ASB9: variants seen among roughly 807,000 people sequenced by gnomAD.
ASB9 encodes the protein ankyrin repeat and SOCS box containing 9.
A neutral mutation model predicts 16.6 loss-of-function variants in ASB9; 5 were observed. That is an observed-to-expected ratio of 0.30 (90% CI 0.16 to 0.63). The LOEUF (loss-of-function observed/expected upper bound fraction) is 0.63, where lower values mean the gene tolerates loss of function less well. Ranked by LOEUF, ASB9 falls within the 30% of genes least tolerant of loss-of-function variation. ASB9 has a pLI of 0.82. For missense variants in ASB9, 216 were observed against 229.4 expected, an observed-to-expected ratio of 0.94 and a Z score of 0.38; for synonymous variants, 100 against 86.4, an observed-to-expected ratio of 1.16 and a Z score of -0.87.
At chrX:15,248,703 G>T in intron 6 of ASB9, 41 bp downstream of exon 6, 1 of 1,168,897 alleles carries the variant, frequency 8.6e-7, no homozygotes, top group Non-Finnish European at 1.1e-6. Flanking sequence ...AGCCCCAAGG[G>T]ATGTCAACAG....
In ASB9 at chrX:15,254,271, A is replaced by G. The variant is rs767244814; in HGVS notation, c.282+466T>C. Among the ~76,000 whole-genome samples the G allele has an allele frequency of 3.6e-5, 4 of 112,492 alleles. No homozygotes were observed. The South Asian group carries it at 1.1e-3, about 31-fold the overall frequency. ...GCTGTTGCCAGAAGATAGCAAGCCC[A>G]TAATTTTCCCCAACCCACCATTCAG... On this transcript the variant is annotated intron_variant, in intron 3 of 6. Coordinates refer to ENST00000380488, the MANE Select transcript of ASB9 (RefSeq NM_001031739.3).
At chrX:15,265,347 C>A (rs183001918) in intron 1 of ASB9, among the ~76,000 whole-genome samples, 77 of 112,430 alleles carry the variant, frequency 6.8e-4, no homozygotes, top group African/African-American at 2.4e-3. Flanking sequence ...TCTTATCTAG[C>A]TTATCTGACA....
At chrX:15,248,295 AC>A (rs200583743) in intron 6 of ASB9, among the ~76,000 whole-genome samples, 26,518 of 111,066 alleles carry the variant, frequency 0.24, 3,080 homozygotes, top group Non-Finnish European at 0.34. Context: ...ATTGGTGTGA[AC>A]CCTAAACTCT....
intron 6 of ASB9, among the ~76,000 whole-genome samples, chrX:15,248,022 C>T (rs2291123): frequency 0.28 from 30,921 of 111,358 alleles, 4,984 homozygotes; most frequent in African/African-American, 0.61. Context: ...CCCAGAATCC[C>T]TAAGACTTCA....
rs1926329002 is a variant in ASB9, at chrX:15,265,701, TCTC to T, written c.94+4077_94+4079del. Reference sequence around the variant, plus strand: ...CCCAGGCTGGAGTACAGTGGCATGATCTCAGCTCACTGCAACCTCCGCCCTCCC... The same window carrying T: ...CCCAGGCTGGAGTACAGTGGCATGATAGCTCACTGCAACCTCCGCCCTCCC... On this transcript the variant is annotated intron_variant, in intron 1 of 6. Transcript: ENST00000380488. 2.7e-5 allele frequency among the ~76,000 whole-genome samples: 3 copies of T among 110,672 alleles called. No homozygotes were observed. In the South Asian group the frequency reaches 1.2e-3, roughly 43 times the overall value.
chrX:15,266,805 G>A (rs371651166), intron 1 of ASB9, among the ~76,000 whole-genome samples: 68 of 109,455 alleles, frequency 6.2e-4, no homozygotes, highest in African/African-American at 2.0e-3. Context: ...GCGTGGTGGC[G>A]GGCGCCTGTA....
chrX:15,255,368 C>T, intron 2 of ASB9, among the ~76,000 whole-genome samples: 1 of 111,470 alleles, frequency 9.0e-6, no homozygotes, highest in African/African-American at 3.3e-5. Flanking sequence ...ATTTAAAGTT[C>T]AAAATTAGGC....
At chrX:15,268,242 G>A (rs1364643458) in intron 1 of ASB9, among the ~76,000 whole-genome samples, 2 of 106,700 alleles carry the variant, frequency 1.9e-5, no homozygotes, top group Non-Finnish European at 3.9e-5. Flanking sequence ...TGAGGCAGGA[G>A]AATCTCTTGA....
chrX:15,262,774 G>C (rs1229720309), intron 1 of ASB9, among the ~76,000 whole-genome samples: 1 of 111,828 alleles, frequency 8.9e-6, no homozygotes, highest in Non-Finnish European at 1.9e-5. Context: ...TGGGACTACA[G>C]GTGCACACCA....
intron 5 of ASB9, among the ~76,000 whole-genome samples, chrX:15,250,190 GCAT>G (rs753079951): frequency 3.6e-4 from 38 of 104,528 alleles, no homozygotes; most frequent in African/African-American, 1.3e-3. Flanking sequence ...CTGAGAAGAG[GCAT>G]CATCATCATC....
intron 1 of ASB9, among the ~76,000 whole-genome samples, chrX:15,263,875 G>A (rs1926175388): frequency 8.9e-6 from 1 of 111,791 alleles, no homozygotes; most frequent in Admixed American, 9.5e-5. Context: ...CCAAAAGATA[G>A]ACACTAACAC....
chrX:15,252,759 C>T (rs1260945186), intron 3 of ASB9, among the ~76,000 whole-genome samples: 1 of 112,451 alleles, frequency 8.9e-6, no homozygotes, highest in Non-Finnish European at 1.9e-5. Flanking sequence ...AAGAAGATTA[C>T]TCTTGCTGCT....
At chrX:15,265,959 ATGCCCGGCTAATTTTGTATTTT>A (rs751234301) in intron 1 of ASB9, among the ~76,000 whole-genome samples, 132 of 109,588 alleles carry the variant, frequency 1.2e-3, no homozygotes, top group African/African-American at 4.3e-3. Context: ...ATGCACCACC[ATGCCCGGCTAATTTTGTATTTT>A]TAGTAAAGAC....
chrX:15,264,044 C>T (rs111939955), intron 1 of ASB9, among the ~76,000 whole-genome samples: 38 of 111,671 alleles, frequency 3.4e-4, no homozygotes, highest in Non-Finnish European at 6.4e-4. Flanking sequence ...AATTTGTTGT[C>T]GCCGAGTCCT....
rs943999527 is a variant in ASB9 at position 15,254,773 on chromosome X, G to A, written c.246C>T (p.Leu82=). 18 of 1,208,838 alleles carry A rather than the reference G, an allele frequency of 1.5e-5. No homozygotes were observed. The highest frequency in any genetic ancestry group is 1.7e-5 in the Non-Finnish European group (15 of 894,581). ...GCTTTAATAAAATCTTCACACAAGA[G>A]AGATGACCTCCAAGACAGGCTTCAT... is the stretch of plus-strand genomic sequence containing the variant. ...PLHEACLGGH[L]SCVKILLKHG... Residue 82 remains leucine, a synonymous_variant, in exon 3 of 7, where the codon CTC becomes CTT. Transcript: ENST00000380488.
At position 15,244,453 on chromosome X, in the gene ASB9, A is replaced by G. The variant is rs1368370672; in HGVS notation, c.*53T>C. On this transcript the variant is annotated 3_prime_UTR_variant, in exon 7 of 7. Coordinates refer to ENST00000380488, the MANE Select transcript of ASB9 (RefSeq NM_001031739.3). ...ACTTGATTTTAAAATTCTAGTGGCT[A>G]CAACACTCAATAATGTTTTCACATC... 17 of 1,144,240 alleles carry G rather than the reference A, an allele frequency of 1.5e-5. No individual in the cohort carries two copies. The African/African-American group carries it at 2.7e-4, about 18-fold the overall frequency. The allele number at this position is 1,144,240 out of a possible 1,213,427, so 94.3% of individuals were successfully genotyped here.
intron 5 of ASB9, among the ~76,000 whole-genome samples, chrX:15,249,927 G>T (rs903929847): frequency 8.9e-6 from 1 of 112,141 alleles, no homozygotes; most frequent in Non-Finnish European, 1.9e-5. Flanking sequence ...TGTTCCAGGT[G>T]TTGAGAAGGG....
intron 6 of ASB9, among the ~76,000 whole-genome samples, chrX:15,247,531 T>C (rs1239655989): frequency 8.9e-6 from 1 of 112,274 alleles, no homozygotes; most frequent in Non-Finnish European, 1.9e-5. Flanking sequence ...TATGAATCCC[T>C]TTCTCAGTGA....
At position 15,266,660 on chromosome X, in the gene ASB9, G is replaced by T. The variant is rs1275007226; in HGVS notation, c.94+3121C>A. 2.7e-5 allele frequency among the ~76,000 whole-genome samples: 3 copies of T among 112,013 alleles called. No individual in the cohort carries two copies. The Admixed American group carries it at 2.8e-4, about 11-fold the overall frequency. ...TTGTATTAGGAACTTTAGAAATCCT[G>T]AACAGTTGGCTCACGCCTGTAATCC... On this transcript the variant is annotated intron_variant, in intron 1 of 6. Coordinates refer to ENST00000380488, the MANE Select transcript of ASB9 (RefSeq NM_001031739.3).
Sources: gnomAD v4.1 joint callset for allele counts (sites outside exome capture counted in the v4.1 genomes callset) on GRCh38, gnomAD v4.1.1 for gene constraint, MANE v1.5 for transcripts, NCBI Gene and HGNC (gene_info 2026-07-23, HGNC 2026-07-21) for gene names.